GLRA2: variants seen among roughly 807,000 people sequenced by gnomAD.
GLRA2 encodes glycine receptor alpha 2, also known as glycine receptor subunit alpha-2.
A neutral mutation model predicts 31.6 loss-of-function variants in GLRA2; 11 were observed. The ratio of observed to expected loss-of-function variants is 0.35; its 90% CI spans 0.22 to 0.58. The LOEUF (loss-of-function observed/expected upper bound fraction) is 0.58, where lower values mean the gene tolerates loss of function less well. Among genes scored for constraint, GLRA2 ranks in the 20% least tolerant of loss-of-function variants. GLRA2 has a pLI of 0.84. For synonymous variants in GLRA2, 132 were observed against 134.0 expected (o/e 0.99, Z 0.10); for missense variants, 212 against 351.8 (o/e 0.60, Z 3.18).
chrX:14,582,671 T>C (rs2090035381), intron 4 of GLRA2, among the ~76,000 whole-genome samples: 1 of 112,211 alleles, frequency 8.9e-6, no homozygotes. Context: ...TCTATGACCC[T>C]CAGTTACCTT....
upstream of GLRA2, among the ~76,000 whole-genome samples, chrX:14,527,607 C>T (rs1384415611): frequency 9.3e-6 from 1 of 107,203 alleles, no homozygotes; most frequent in Non-Finnish European, 1.9e-5. Flanking sequence ...GAGTGAGACT[C>T]CATCTCGGGA....
chrX:14,644,435 C>T (rs1022142303), intron 7 of GLRA2, among the ~76,000 whole-genome samples: 4 of 110,888 alleles, frequency 3.6e-5, no homozygotes, highest in African/African-American at 1.3e-4. Flanking sequence ...TTAGAAAATC[C>T]CTCTTTCAGA....
intron 7 of GLRA2, among the ~76,000 whole-genome samples, chrX:14,654,788 AAG>A (rs2090923725): frequency 8.9e-6 from 1 of 111,860 alleles, no homozygotes; most frequent in South Asian, 3.7e-4. Context: ...TATAAAGAAA[AAG>A]AGGTTTAATG....
chrX:14,671,763 C>A (rs2091095621), intron 7 of GLRA2, among the ~76,000 whole-genome samples: 1 of 112,799 alleles, frequency 8.9e-6, no homozygotes, highest in African/African-American at 3.2e-5. Context: ...CTGCTATGCA[C>A]ATAGTATTGC....
chrX:14,648,564 G>A, intron 7 of GLRA2, among the ~76,000 whole-genome samples: 1 of 111,598 alleles, frequency 9.0e-6, no homozygotes, highest in South Asian at 3.7e-4. Flanking sequence ...GCAAAAGCAA[G>A]CCATATACTT....
At chrX:14,510,292 G>C in the GLRA2 span, among the ~76,000 whole-genome samples, 1 of 111,670 alleles carries the variant, frequency 9.0e-6, no homozygotes, top group Non-Finnish European at 1.9e-5. Flanking sequence ...TCAACAGAAG[G>C]ACAAAGCCAC....
chrX:14,691,271 C>CTGTGTGTG (rs4014173), intron 8 of GLRA2, among the ~76,000 whole-genome samples: 67 of 85,254 alleles, frequency 7.9e-4, no homozygotes, highest in East Asian at 1.8e-3. Context: ...TAAATATTGA[C>CTGTGTGTG]TGTGTGTGTG....
Position 14,529,841 on chromosome X carries a change from C to T in GLRA2, c.-217C>T. 3 of 427,950 alleles carry T rather than the reference C, an allele frequency of 7.0e-6. No individual in the cohort carries two copies. The highest frequency in any genetic ancestry group is 1.2e-5 in the Non-Finnish European group (3 of 246,008). 35.3% of individuals were successfully genotyped at this position (427,950 alleles called of 1,213,427 possible). A position where few individuals can be genotyped will look rare whatever the true frequency, so the allele number is the denominator to read the frequency against. On this transcript the variant is annotated 5_prime_UTR_variant, in exon 1 of 9. Transcript: ENST00000218075. ...CTGAGGCTTTGTCTTTCTGGGTTAA[C>T]TGATGGTCCCAAGCCTCGGTTTGAC...
upstream of GLRA2, chrX:14,529,371 C>T (rs1321675937): frequency 9.2e-6 from 1 of 108,848 alleles, no homozygotes; most frequent in Non-Finnish European, 1.9e-5. Flanking sequence ...AGTATCCCCT[C>T]GCTGAACGGC....
At chrX:14,557,200 C>G (rs1376558331) in intron 2 of GLRA2, among the ~76,000 whole-genome samples, 3 of 97,588 alleles carry the variant, frequency 3.1e-5, no homozygotes, top group Non-Finnish European at 6.1e-5. Flanking sequence ...ACTGTAAGCT[C>G]CGCCTCCTGG....
intron 2 of GLRA2, among the ~76,000 whole-genome samples, chrX:14,533,423 G>T (rs1280700635): frequency 9.2e-6 from 1 of 108,752 alleles, no homozygotes; most frequent in South Asian, 3.9e-4. Flanking sequence ...CCAGGTATGG[G>T]CATATTTTAT....
At chrX:14,697,470 AAAT>A (rs1478558829) in intron 8 of GLRA2, among the ~76,000 whole-genome samples, 74 of 110,573 alleles carry the variant, frequency 6.7e-4, no homozygotes, top group Admixed American at 4.6e-3. Context: ...GAAATCGAAA[AAAT>A]AATAATAATC....
chrX:14,554,899 A>G lies in GLRA2; in HGVS notation c.203-19434A>G, dbSNP rs1287576139. Among the ~76,000 whole-genome samples the G allele has an allele frequency of 2.7e-5, 3 of 112,201 alleles. No individual in the cohort carries two copies. In the Admixed American group the frequency reaches 2.8e-4, roughly 11 times the overall value. On this transcript the variant is annotated intron_variant, in intron 2 of 8. Transcript: ENST00000218075. ...TATTTTGTATTACTATTAGTTATAT[A>G]ATTTGCAGAGTTTTAAAATAGCTCC...
chrX:14,562,966 A>C (rs950282640), intron 2 of GLRA2, among the ~76,000 whole-genome samples: 2 of 112,298 alleles, frequency 1.8e-5, no homozygotes, highest in Non-Finnish European at 3.8e-5. Context: ...AAAATACTGC[A>C]AGTCAAACTA....
intron 2 of GLRA2, among the ~76,000 whole-genome samples, chrX:14,565,446 C>A (rs751917639): frequency 1.8e-5 from 2 of 111,343 alleles, no homozygotes; most frequent in South Asian, 3.7e-4. Flanking sequence ...ATGTTGAAGT[C>A]TCCAACTATT....
the GLRA2 span, among the ~76,000 whole-genome samples, chrX:14,449,331 C>G: frequency 7.1e-5 from 8 of 112,109 alleles, no homozygotes; most frequent in African/African-American, 1.9e-4. Context: ...CTCTGGGATC[C>G]TAGCAAAAAG....
At chrX:14,511,052 A>G in the GLRA2 span, among the ~76,000 whole-genome samples, 4 of 111,610 alleles carry the variant, frequency 3.6e-5, no homozygotes, top group East Asian at 8.4e-4. Context: ...AGCATTAGGT[A>G]TATCTCCCAA....
intron 2 of GLRA2, among the ~76,000 whole-genome samples, chrX:14,571,553 C>A (rs1226983638): frequency 9.0e-6 from 1 of 111,653 alleles, no homozygotes; most frequent in East Asian, 2.8e-4. Flanking sequence ...CTTATAAACT[C>A]TGCGACCTTG....
the GLRA2 span, among the ~76,000 whole-genome samples, chrX:14,458,457 A>G: frequency 1.2e-4 from 14 of 112,217 alleles, no homozygotes; most frequent in South Asian, 3.7e-4. Flanking sequence ...ACTGACTTCC[A>G]CGATGGTTGA....
Sources: allele counts gnomAD v4.1 joint callset (sites outside exome capture counted in the v4.1 genomes callset), GRCh38; gene constraint gnomAD v4.1.1; transcripts MANE v1.5; gene names NCBI Gene and HGNC (gene_info 2026-07-23, HGNC 2026-07-21).